Variants in UPP2 observed in about 807,000 individuals in gnomAD.
The protein encoded by UPP2 is UPase 2.
A neutral mutation model predicts 26.7 loss-of-function variants in UPP2; 23 were observed. That is an observed-to-expected ratio of 0.86 (90% CI 0.62 to 1.22). UPP2 has a LOEUF of 1.22. Among genes scored for constraint, UPP2 ranks in the 50% most tolerant of loss-of-function variants. UPP2 has a pLI of 0.00. For synonymous variants in UPP2, 127 were observed against 141.3 expected (o/e 0.90, Z 0.72); for missense variants, 387 against 396.7 (o/e 0.98, Z 0.21).
At chr2:158,010,394 A>G (rs1027576386) in intron 2 of UPP2, among the ~76,000 whole-genome samples, 1 of 152,186 alleles carries the variant, frequency 6.6e-6, no homozygotes, top group African/African-American at 2.4e-5. Context: ...TAAATATCCT[A>G]TCCTGGATGC....
chr2:158,063,413 C>A (rs749728356), intron 3 of UPP2, among the ~76,000 whole-genome samples: 2 of 152,106 alleles, frequency 1.3e-5, no homozygotes, highest in Non-Finnish European at 2.9e-5. Context: ...CAGGATTATA[C>A]CTTGTAGTAT....
intron 4 of UPP2, among the ~76,000 whole-genome samples, chr2:158,120,452 G>A (rs182802410): frequency 6.6e-5 from 10 of 152,114 alleles, no homozygotes; most frequent in African/African-American, 1.2e-4. Flanking sequence ...AATTTTTATT[G>A]AGTACCTATA....
chr2:158,025,848 G>A (rs1030284010), intron 3 of UPP2, among the ~76,000 whole-genome samples: 1 of 152,222 alleles, frequency 6.6e-6, no homozygotes, highest in Admixed American at 6.5e-5. Context: ...AGAGAGGTCA[G>A]TAGAAGGGGG....
intron 2 of UPP2, among the ~76,000 whole-genome samples, chr2:158,008,605 T>A (rs1329488292): frequency 6.6e-6 from 1 of 152,214 alleles, no homozygotes; most frequent in African/African-American, 2.4e-5. Flanking sequence ...TTGACTTTCC[T>A]ACTGTAAGAT....
At chr2:157,995,483 G>A (rs899047920) in intron 2 of UPP2, among the ~76,000 whole-genome samples, 1 of 152,100 alleles carries the variant, frequency 6.6e-6, no homozygotes, top group African/African-American at 2.4e-5. Context: ...TACTACAGAC[G>A]ATGGAAGAGG....
intron 2 of UPP2, among the ~76,000 whole-genome samples, chr2:158,011,083 A>G (rs567235363): frequency 3.3e-5 from 5 of 152,172 alleles, no homozygotes; most frequent in South Asian, 2.1e-4. Flanking sequence ...CATTATCTTA[A>G]TAAAGCTTCT....
At chr2:158,039,398 C>T in intron 3 of UPP2, among the ~76,000 whole-genome samples, 1 of 152,304 alleles carries the variant, frequency 6.6e-6, no homozygotes, top group African/African-American at 2.4e-5. Context: ...ATTTACAAAG[C>T]AAATGCTAAG....
At chr2:158,056,849 T>C (rs1259526817) in intron 3 of UPP2, among the ~76,000 whole-genome samples, 1 of 152,188 alleles carries the variant, frequency 6.6e-6, no homozygotes, top group East Asian at 1.9e-4. Flanking sequence ...CAACATATCT[T>C]TTTTTCTGAG....
At chr2:158,041,710 A>G (rs1684083524) in intron 3 of UPP2, among the ~76,000 whole-genome samples, 1 of 152,232 alleles carries the variant, frequency 6.6e-6, no homozygotes, top group Non-Finnish European at 1.5e-5. Context: ...AACTAATTAC[A>G]TAAGTGGTCA....
At chr2:158,098,543 G>A (rs546200213), upstream of UPP2, among the ~76,000 whole-genome samples, 7 of 152,086 alleles carry the variant, frequency 4.6e-5, no homozygotes, top group Non-Finnish European at 1.0e-4. Flanking sequence ...AGAAAACAGC[G>A]GACAATGCCT....
At chr2:158,133,903 A>G (rs1313248188) in intron 6 of UPP2, 1 of 152,256 alleles carries the variant, frequency 6.6e-6, no homozygotes, top group Admixed American at 6.5e-5. Flanking sequence ...AAAGTGGCTA[A>G]CACTGATTTC....
Position 158,109,745 on chromosome 2 carries a change from A to G in UPP2, c.180+3529A>G, listed in dbSNP as rs112058368. On this transcript the variant is annotated intron_variant, in intron 2 of 6. Transcript: ENST00000005756. ...AGAAGAGCAAACTGTTTAGGTGAACAGCTAATCAATCTCTGCCATACTCAC... is the reference window on the plus strand; with the variant it reads ...AGAAGAGCAAACTGTTTAGGTGAACGGCTAATCAATCTCTGCCATACTCAC... Among the ~76,000 whole-genome samples the G allele has an allele frequency of 1.4e-3, 218 of 152,346 alleles. 1 individual carries two copies. The highest frequency in any genetic ancestry group is 5.0e-3 in the African/African-American group (208 of 41,580).
At chr2:158,066,925 T>G (rs1203666294) in intron 3 of UPP2, among the ~76,000 whole-genome samples, 1 of 152,192 alleles carries the variant, frequency 6.6e-6, no homozygotes, top group African/African-American at 2.4e-5. Flanking sequence ...TAGTAAAATA[T>G]TTTTTAAAGG....
intron 3 of UPP2, among the ~76,000 whole-genome samples, chr2:158,041,812 C>A (rs76537628): frequency 0.029 from 4,483 of 152,260 alleles, 87 homozygotes; most frequent in Middle Eastern, 0.048. Context: ...TAAATGAGTT[C>A]CCTCTCCCAC....
intron 3 of UPP2, among the ~76,000 whole-genome samples, chr2:158,032,799 T>C (rs1005755227): frequency 6.6e-6 from 1 of 152,186 alleles, no homozygotes; most frequent in African/African-American, 2.4e-5. Flanking sequence ...AATCCTCTAA[T>C]GGTTTTTGAG....
At chr2:158,110,177 C>T (rs185320202) in intron 2 of UPP2, among the ~76,000 whole-genome samples, 24 of 152,050 alleles carry the variant, frequency 1.6e-4, no homozygotes, top group African/African-American at 4.8e-4. Flanking sequence ...ATGACAGGCC[C>T]GAGTGTGTGA....
At chr2:158,101,836 G>A (rs765097568), upstream of UPP2, 26 of 1,304,526 alleles carry the variant, frequency 2.0e-5, no homozygotes, top group Non-Finnish European at 2.5e-5. Flanking sequence ...GAGCTGGGCT[G>A]TGGTATAAAA....
intron 1 of UPP2, among the ~76,000 whole-genome samples, chr2:158,105,282 T>C (rs1683167690): frequency 6.6e-6 from 1 of 152,124 alleles, no homozygotes; most frequent in African/African-American, 2.4e-5. Context: ...TGTCTTGAAT[T>C]TCGTGGTATT....
intron 2 of UPP2, among the ~76,000 whole-genome samples, chr2:157,998,103 T>C (rs758863216): frequency 6.6e-6 from 1 of 152,152 alleles, no homozygotes; most frequent in Non-Finnish European, 1.5e-5. Context: ...ATTTAATGTA[T>C]TAGCTCATGC....
Sources: gnomAD v4.1 joint callset for allele counts (sites outside exome capture counted in the v4.1 genomes callset) on GRCh38, gnomAD v4.1.1 for gene constraint, MANE v1.5 for transcripts, NCBI Gene and HGNC (gene_info 2026-07-23, HGNC 2026-07-21) for gene names.